The following PIP5K1C variants were observed in gnomAD, a reference collection of about 807,000 sequenced individuals.
PIP5K1C encodes the protein phosphatidylinositol-4-phosphate 5-kinase type 1 gamma.
PIP5K1C carries 45 observed loss-of-function variants against 80.1 expected under a neutral mutation model. That is an observed-to-expected ratio of 0.56 (90% CI 0.44 to 0.72). The LOEUF is 0.72. Among genes scored for constraint, PIP5K1C ranks in the 30% least tolerant of loss-of-function variants. PIP5K1C has a pLI of 0.00. For missense variants in PIP5K1C, 753 were observed against 954.6 expected (o/e 0.79, Z 2.78); for synonymous variants, 498 against 420.1 (o/e 1.19, Z -2.27).
chr19:3,674,924 T>C (rs992217599), intron 1 of PIP5K1C, among the ~76,000 whole-genome samples: 21 of 152,056 alleles, frequency 1.4e-4, no homozygotes, highest in Non-Finnish European at 2.6e-4. Flanking sequence ...TGAAAAGGAG[T>C]GAGGCTCTGA....
At chr19:3,664,785 C>T in intron 3 of PIP5K1C, 37 bp downstream of exon 3, 5 of 1,533,286 alleles carry the variant, frequency 3.3e-6, no homozygotes, top group Non-Finnish European at 4.5e-6. Flanking sequence ...TCTGCTCTGT[C>T]CCGCTCCCTC....
chr19:3,648,823 G>A lies in PIP5K1C; in HGVS notation c.1128-115C>T. ...ATCTGCTCCTGTGGGTGGCAACTTG[G>A]CCAAGCTCTCGGAGTGGGGCCTGGC... On this transcript the variant is annotated intron_variant, in intron 8 of 17. Transcript: ENST00000335312. The surrounding 1 kb of genome is among the most constrained non-coding windows in gnomAD (Gnocchi z 4.3). 1 of 849,246 alleles carries A rather than the reference G, an allele frequency of 1.2e-6. No homozygotes were observed. 52.6% of individuals were successfully genotyped at this position (849,246 alleles called of 1,614,324 possible).
At position 3,692,920 on chromosome 19, in the gene PIP5K1C, A is replaced by G. The variant is rs938278019; in HGVS notation, c.94+7377T>C. 2.7e-5 allele frequency among the ~76,000 whole-genome samples: 4 copies of G among 148,490 alleles called. No homozygotes were observed. Among genetic ancestry groups the G allele is most frequent in the South Asian group, 2.1e-4 (1 of 4,654 alleles). On this transcript the variant is annotated intron_variant, in intron 1 of 17. Transcript: ENST00000335312. The surrounding 1 kb of genome is among the most constrained non-coding windows in gnomAD (Gnocchi z 5.2). Reference sequence around the variant, plus strand: ...GCCTCTGCCAGACAGCTCCCTCCACACTTCCACAACCCCCTCACTTCCCCT... The same window carrying G: ...GCCTCTGCCAGACAGCTCCCTCCACGCTTCCACAACCCCCTCACTTCCCCT...
Position 3,630,634 on chromosome 19 carries a change from GGGACGTGTCGGGAT to G in PIP5K1C, c.*2519_*2532del, listed in dbSNP as rs1025686388. 6.6e-6 allele frequency: 1 copy of G among 152,630 alleles called. No individual in the cohort carries two copies. Among genetic ancestry groups the G allele is most frequent in the African/African-American group, 2.4e-5 (1 of 41,430 alleles). The allele number at this position is 152,630 out of a possible 1,614,324, so 9.5% of individuals were successfully genotyped here. ...CACTGAGCCAGGTTTCGGGGGAACG[GGGACGTGTCGGGAT>G]GGCGTAGGGGGACAGAGCCTGGCAG... On this transcript the variant is annotated 3_prime_UTR_variant, in exon 18 of 18. Transcript: ENST00000335312.
Position 3,643,386 on chromosome 19 carries a change from G to A in PIP5K1C, c.1511-5C>T, listed in dbSNP as rs2034065277. The A allele has an allele frequency of 1.2e-6, 2 of 1,613,238 alleles. No individual in the cohort carries two copies. The highest frequency in any genetic ancestry group is 4.5e-5 in the East Asian group (2 of 44,868). ...AGGGCAGGAGGTCGGGCCGGCCTGA[G>A]GGGAGAGGACTGTGGGCACCTTGCG... On this transcript the variant is annotated splice_polypyrimidine_tract_variant and splice_region_variant and intron_variant, in intron 12 of 17. Coordinates refer to ENST00000335312, the MANE Select transcript of PIP5K1C (RefSeq NM_012398.3).
At chr19:3,671,583 G>A (rs1018182835) in intron 1 of PIP5K1C, among the ~76,000 whole-genome samples, 8 of 152,252 alleles carry the variant, frequency 5.3e-5, no homozygotes, top group African/African-American at 1.4e-4. Context: ...TGAGGTGGAG[G>A]TGGAGCAGGA....
chr19:3,680,408 G>A (rs1002193210), intron 1 of PIP5K1C, among the ~76,000 whole-genome samples: 3 of 152,112 alleles, frequency 2.0e-5, no homozygotes, highest in Non-Finnish European at 2.9e-5. Flanking sequence ...AGGTTCATAC[G>A]ATTCTCCCGT....
Position 3,647,324 on chromosome 19 carries a change from G to C in PIP5K1C, c.1260+14C>G. On this transcript the variant is annotated intron_variant, in intron 10 of 17. Coordinates refer to ENST00000335312, the MANE Select transcript of PIP5K1C (RefSeq NM_012398.3). ...GGATGGGAGGAGGAATGGGAGGAGG[G>C]TGCAGGCGCTCACCCCATCGTGGAC... 6.4e-7 allele frequency: 1 copy of C among 1,566,004 alleles called. No homozygotes were observed. The highest frequency in any genetic ancestry group is 1.2e-5 in the South Asian group (1 of 85,304).
In PIP5K1C at chr19:3,651,955, C is replaced by T. The variant is rs115148108; in HGVS notation, c.998G>A (p.Arg333Gln). 1.9e-6 allele frequency: 3 copies of T among 1,613,048 alleles called. No individual in the cohort carries two copies. Among genetic ancestry groups the T allele is most frequent in the African/African-American group, 1.3e-5 (1 of 75,074 alleles). The part of the protein sequence containing the change: ...VHNIDQHERE[R>Q]QAQGAQSTSD... ...GGTGCTCTGGGCGCCCTGCGCCTGC[C>T]GCTCGCGCTCGTGCTGGTCGATGTT... The change falls in exon 8 of 18, where the codon CGG (arginine) becomes CAG (glutamine). Residue 333 changes from arginine (R) to glutamine (Q), a missense_variant. Transcript: ENST00000335312.
intron 1 of PIP5K1C, among the ~76,000 whole-genome samples, chr19:3,677,859 T>C (rs1265259465): frequency 1.4e-4 from 1 of 7,076 alleles, no homozygotes; most frequent in Non-Finnish European, 2.6e-4. Flanking sequence ...GGGAGAGGGA[T>C]AGAGAGAGGG....
chr19:3,647,215 GGGA>G (rs1240229625), intron 10 of PIP5K1C, 120 bp downstream of exon 10: 1 of 816,142 alleles, frequency 1.2e-6, no homozygotes, highest in Non-Finnish European at 2.0e-6. Context: ...GAGGAGGGAT[GGGA>G]GGAGGGATGG....
At chr19:3,663,837 C>T (rs2034918367) in intron 3 of PIP5K1C, among the ~76,000 whole-genome samples, 1 of 152,160 alleles carries the variant, frequency 6.6e-6, no homozygotes, top group African/African-American at 2.4e-5. Context: ...AAGATGACAC[C>T]GAGTTACACG....
At chr19:3,652,219 A>G (rs533997348) in intron 7 of PIP5K1C, among the ~76,000 whole-genome samples, 188 bp from the exon 8 acceptor site, 5 of 152,326 alleles carry the variant, frequency 3.3e-5, no homozygotes, top group Admixed American at 2.0e-4. Flanking sequence ...GCGGTCACAC[A>G]GCGGCATCAG....
intron 13 of PIP5K1C, 88 bp from the exon 14 acceptor site, chr19:3,643,027 T>C: frequency 6.5e-7 from 1 of 1,535,100 alleles, no homozygotes; most frequent in Non-Finnish European, 9.0e-7. Flanking sequence ...CCTGCCTACC[T>C]GCCCCCTGGC....
intron 2 of PIP5K1C, 93 bp downstream of exon 2, chr19:3,667,229 T>C: frequency 8.9e-7 from 1 of 1,125,052 alleles, no homozygotes; most frequent in South Asian, 1.3e-5. Flanking sequence ...AGAGGTGTAG[T>C]GAGCTGCCCC....
rs1412847733 is a variant in PIP5K1C, at chr19:3,638,918, T to TC, written c.1885dup (p.Asp629GlyfsTer16). ...GTCGGTGGCGGGCGCGTCCTCCTCG[T>TC]CCGAGGCCTGGCTGGCAGGTGCGCC... On this transcript the variant is annotated frameshift_variant, in exon 16 of 18. Coordinates refer to ENST00000335312, the MANE Select transcript of PIP5K1C (RefSeq NM_012398.3). LOFTEE classifies it high-confidence loss of function. The TC allele has an allele frequency of 6.2e-7, 1 of 1,612,706 alleles. No individual in the cohort carries two copies. The highest frequency in any genetic ancestry group is 1.1e-5 in the South Asian group (1 of 91,070).
intron 3 of PIP5K1C, among the ~76,000 whole-genome samples, chr19:3,662,894 C>A (rs2034884698): frequency 6.6e-6 from 1 of 152,116 alleles, no homozygotes. Context: ...CAGAGTCTTG[C>A]TCTACTGCCC....
intron 1 of PIP5K1C, among the ~76,000 whole-genome samples, chr19:3,668,655 C>T (rs2035100606): frequency 6.6e-6 from 1 of 152,206 alleles, no homozygotes; most frequent in Admixed American, 6.5e-5. Context: ...ATCGCACGTG[C>T]TGGCGTCCAC....
At chr19:3,678,786 G>A (rs1330900240) in intron 1 of PIP5K1C, among the ~76,000 whole-genome samples, 2 of 135,638 alleles carry the variant, frequency 1.5e-5, no homozygotes, top group Non-Finnish European at 3.2e-5. Context: ...AGGGAGGGAT[G>A]GAGGGAGGGA....
Sources: gnomAD v4.1 joint callset for allele counts (sites outside exome capture counted in the v4.1 genomes callset) on GRCh38, gnomAD v4.1.1 for gene constraint, Gnocchi (gnomAD v3.1) non-coding constraint, MANE v1.5 for transcripts, NCBI Gene and HGNC (gene_info 2026-07-23, HGNC 2026-07-21) for gene names.